PCSK5: variants seen among roughly 807,000 people sequenced by gnomAD.
PCSK5 encodes prohormone convertase 5.
Under a neutral mutation model 233.2 loss-of-function variants are expected in PCSK5, and 129 were observed. The ratio of observed to expected loss-of-function variants is 0.55; its 90% CI spans 0.48 to 0.64. The LOEUF is 0.64. Among genes scored for constraint, PCSK5 ranks in the 30% least tolerant of loss-of-function variants. PCSK5 has a pLI of 0.00. For missense variants in PCSK5, 2,076 were observed against 2,430.1 expected, an observed-to-expected ratio of 0.85 and a Z score of 3.06; for synonymous variants, 825 against 879.2, an observed-to-expected ratio of 0.94 and a Z score of 1.09.
intron 24 of PCSK5, among the ~76,000 whole-genome samples, chr9:76,250,670 C>T (rs569351322): frequency 3.4e-4 from 52 of 152,160 alleles, no homozygotes; most frequent in African/African-American, 1.1e-3. Flanking sequence ...CTGTCACAGC[C>T]GAAAGGAGCC....
At chr9:76,113,736 A>G (rs1024937249) in intron 9 of PCSK5, among the ~76,000 whole-genome samples, 2 of 152,154 alleles carry the variant, frequency 1.3e-5, no homozygotes, top group African/African-American at 4.8e-5. Flanking sequence ...GCATCTTAGT[A>G]CTGATATCCT....
At chr9:76,292,112 A>G (rs982604133) in intron 24 of PCSK5, 121 bp from the exon 25 acceptor site, 1 of 673,172 alleles carries the variant, frequency 1.5e-6, no homozygotes, top group Admixed American at 2.3e-5. Context: ...TTATTTCTGG[A>G]CAGTACATTT....
chr9:76,134,238 A>G, intron 10 of PCSK5, 26 bp downstream of exon 10: 1 of 1,354,694 alleles, frequency 7.4e-7, no homozygotes, highest in Non-Finnish European at 1.0e-6. Flanking sequence ...ATATTCTGTC[A>G]CAGGCAAAAT....
intron 23 of PCSK5, among the ~76,000 whole-genome samples, chr9:76,239,399 G>A (rs1826357287): frequency 6.6e-6 from 1 of 152,154 alleles, no homozygotes; most frequent in Non-Finnish European, 1.5e-5. Flanking sequence ...ATGCACTTAA[G>A]TGTATAGAAA....
intron 24 of PCSK5, among the ~76,000 whole-genome samples, chr9:76,258,149 G>T (rs1290505260): frequency 6.6e-6 from 1 of 152,098 alleles, no homozygotes; most frequent in Non-Finnish European, 1.5e-5. Context: ...TCTCCAGAGG[G>T]GTAGGTGGTA....
intron 10 of PCSK5, among the ~76,000 whole-genome samples, chr9:76,148,214 T>C (rs1230740909): frequency 6.6e-6 from 1 of 151,566 alleles, no homozygotes; most frequent in Non-Finnish European, 1.5e-5. Context: ...TAGATCTCTC[T>C]TTGTTTTTAA....
intron 20 of PCSK5, among the ~76,000 whole-genome samples, chr9:76,203,613 G>T (rs1587754608): frequency 6.6e-6 from 1 of 152,126 alleles, no homozygotes; most frequent in Middle Eastern, 3.4e-3. Context: ...ATAACACCTT[G>T]ATTTCAATCT....
chr9:75,930,188 A>G (rs1440305141), intron 1 of PCSK5, among the ~76,000 whole-genome samples: 1 of 152,102 alleles, frequency 6.6e-6, no homozygotes, highest in Admixed American at 6.6e-5. Flanking sequence ...ATTCACTACC[A>G]TGAGAACAGT....
At chr9:75,982,930 C>T (rs751371193) in intron 2 of PCSK5, among the ~76,000 whole-genome samples, 10 of 151,996 alleles carry the variant, frequency 6.6e-5, no homozygotes, top group Non-Finnish European at 1.3e-4. Context: ...CTGATTCATT[C>T]GTTCTGACCT....
chr9:76,292,218 A>ATTT lies in PCSK5; in HGVS notation c.3143-7_3143-5dup, dbSNP rs3077145. 1.5e-5 allele frequency: 21 copies of ATTT among 1,404,710 alleles called. No individual in the cohort carries two copies. The highest frequency in any genetic ancestry group is 1.9e-5 in the Non-Finnish European group (19 of 1,006,804). 87.0% of individuals were successfully genotyped at this position (1,404,710 alleles called of 1,614,324 possible). A position where few individuals can be genotyped will look rare whatever the true frequency, so the allele number is the denominator to read the frequency against. ...TTCCTCATGATTATTACTTTTTATT[A>ATTT]TTTTTTTTTTCCAGATGATCCAGGA... On this transcript the variant is annotated splice_polypyrimidine_tract_variant and intron_variant, in intron 24 of 37. Transcript: ENST00000674117.
At chr9:76,293,744 T>C (rs1264502891) in intron 25 of PCSK5, among the ~76,000 whole-genome samples, 2 of 152,260 alleles carry the variant, frequency 1.3e-5, no homozygotes, top group Non-Finnish European at 2.9e-5. Context: ...TACTCGCTAA[T>C]GAGCATGTTT....
At chr9:75,994,549 C>T (rs138133557) in intron 3 of PCSK5, among the ~76,000 whole-genome samples, 1,707 of 151,536 alleles carry the variant, frequency 0.011, 27 homozygotes, top group Middle Eastern at 0.051. Context: ...CTCAGCCTCC[C>T]GAAGCTGGGA....
chr9:75,891,369 G>A lies in PCSK5; in HGVS notation c.188G>A (p.Gly63Glu). Residue 63 changes from glycine (G) to glutamate (E), a missense_variant, in exon 1 of 38, where the codon GGA (glycine) becomes GAA (glutamate). Gly to Glu is a moderately conservative substitution (Grantham distance 98). Coordinates refer to ENST00000674117, the MANE Select transcript of PCSK5 (RefSeq NM_001372043.1). ...IASKYGFINIGQIGALKDYYH... is the reference protein window; with the variant it reads ...IASKYGFINIEQIGALKDYYH... ...AGCAAGTACGGATTCATCAACATAG[G>A]ACAGGTAACGAACTACAGGCTAGCC... is the stretch of plus-strand genomic sequence containing the variant. The A allele has an allele frequency of 6.4e-7, 1 of 1,552,164 alleles. No homozygotes were observed. The highest frequency in any genetic ancestry group is 8.7e-7 in the Non-Finnish European group (1 of 1,154,716).
chr9:75,942,403 T>A (rs530779405), intron 2 of PCSK5, among the ~76,000 whole-genome samples: 35 of 152,350 alleles, frequency 2.3e-4, no homozygotes, highest in African/African-American at 8.4e-4. Flanking sequence ...CTCATCACTT[T>A]GATGATTTCT....
At chr9:76,175,668 T>C (rs1452673351) in intron 14 of PCSK5, 1 of 154,826 alleles carries the variant, frequency 6.5e-6, no homozygotes, top group Non-Finnish European at 1.4e-5. Context: ...ATTTTGTCAC[T>C]TGCTATCCAG....
intron 24 of PCSK5, among the ~76,000 whole-genome samples, chr9:76,250,806 T>C (rs981356457): frequency 1.3e-5 from 2 of 152,174 alleles, no homozygotes; most frequent in East Asian, 3.8e-4. Flanking sequence ...AATAACCACA[T>C]TATAATAAAA....
chr9:76,280,388 G>T (rs749031105), intron 24 of PCSK5, among the ~76,000 whole-genome samples: 8 of 152,160 alleles, frequency 5.3e-5, no homozygotes, highest in Non-Finnish European at 1.2e-4. Flanking sequence ...AGAGTTGCAA[G>T]TCTCTCACTT....
At chr9:76,173,534 C>CTTTTTTTTTTTTTTTTTTTTTTTTT (rs1587716257) in intron 13 of PCSK5, among the ~76,000 whole-genome samples, 105 of 46,598 alleles carry the variant, frequency 2.3e-3, no homozygotes, top group Non-Finnish European at 3.1e-3. Flanking sequence ...TTTTTTTTTA[C>CTTTTTTTTTTTTTTTTTTTTTTTTT]TTTTTGCATT....
intron 12 of PCSK5, among the ~76,000 whole-genome samples, chr9:76,166,151 GT>G (rs368183334): frequency 1.8e-3 from 275 of 151,328 alleles, no homozygotes; most frequent in African/African-American, 6.6e-3. Flanking sequence ...ATTGGTGCCT[GT>G]TTTTTTTTCC....
Sources: gnomAD v4.1 joint callset for allele counts (sites outside exome capture counted in the v4.1 genomes callset) on GRCh38, gnomAD v4.1.1 for gene constraint, MANE v1.5 for transcripts, NCBI Gene and HGNC (gene_info 2026-07-23, HGNC 2026-07-21) for gene names.